KCNQ1: variants seen among roughly 807,000 people sequenced by gnomAD.
The protein encoded by KCNQ1 is potassium voltage-gated channel subfamily KQT member 1.
Under a neutral mutation model 72.4 loss-of-function variants are expected in KCNQ1, and 49 were observed. That is an observed-to-expected ratio of 0.68 (90% CI 0.54 to 0.86). KCNQ1 has a LOEUF of 0.86. KCNQ1 is among the 40% of genes least tolerant of loss of function. KCNQ1 has a pLI of 0.00. For synonymous variants in KCNQ1, 450 were observed against 412.6 expected (o/e 1.09, Z -1.10); for missense variants, 790 against 945.1 (o/e 0.84, Z 2.15).
At chr11:2,476,325 GA>G (rs1485610430) in intron 1 of KCNQ1, among the ~76,000 whole-genome samples, 4 of 152,118 alleles carry the variant, frequency 2.6e-5, no homozygotes, top group Non-Finnish European at 5.9e-5. Context: ...AAAGTCTAAA[GA>G]AGAAAAGTCT....
chr11:2,699,456 GCCGGGAGAGTGCCGCGCTGAGGAGCCC>G (rs1475356913), intron 11 of KCNQ1: 42 of 397,168 alleles, frequency 1.1e-4, no homozygotes, highest in Non-Finnish European at 1.4e-4. Context: ...CTGAGGAGCC[GCCGGGAGAGTGCCGCGCTGAGGAGCCC>G]CCGGGGAGAG....
rs557989601 is a variant in KCNQ1 at position 2,766,410 on chromosome 11, T to C, written c.1515-2434T>C. On this transcript the variant is annotated intron_variant, in intron 11 of 15. Coordinates refer to ENST00000155840, the MANE Select transcript of KCNQ1 (RefSeq NM_000218.3). This position sits in a 1 kb window ranked among gnomAD's most constrained non-coding sequence, Gnocchi z 4.4. Reference sequence around the variant, plus strand: ...TCAGCCAGGGTCTCTCAGCTCTCCTTCACGCGGCTGTTCCAGCAGGCTAGC... The same window carrying C: ...TCAGCCAGGGTCTCTCAGCTCTCCTCCACGCGGCTGTTCCAGCAGGCTAGC... Among the ~76,000 whole-genome samples the C allele has an allele frequency of 4.7e-4, 72 of 152,316 alleles. No homozygotes were observed. Among genetic ancestry groups the C allele is most frequent in the African/African-American group, 1.7e-3 (71 of 41,566 alleles).
intron 10 of KCNQ1, chr11:2,614,688 G>A (rs1849033127): frequency 1.3e-5 from 5 of 398,330 alleles, no homozygotes; most frequent in Non-Finnish European, 2.2e-5. Context: ...GATCATATAT[G>A]TGAGTGTTTA....
At chr11:2,625,644 C>T (rs1274987775) in intron 10 of KCNQ1, 4 of 395,388 alleles carry the variant, frequency 1.0e-5, no homozygotes, top group South Asian at 1.3e-4. Flanking sequence ...GGTGCCATCT[C>T]GGCTTACTGC....
chr11:2,779,005 G>A (rs1846769113), intron 15 of KCNQ1, among the ~76,000 whole-genome samples: 1 of 152,236 alleles, frequency 6.6e-6, no homozygotes, highest in African/African-American at 2.4e-5. Flanking sequence ...GGGGCCCTGA[G>A]ACCAGCAAAT....
rs1162400706 is a variant in KCNQ1, at chr11:2,818,455, G to A, written c.1795-29312G>A. On this transcript the variant is annotated intron_variant, in intron 15 of 15. Transcript: ENST00000155840. This position sits in a 1 kb window ranked among gnomAD's most constrained non-coding sequence, Gnocchi z 7.2. ...AAGTGCCAAGAGGCCTTCCTCAGAG[G>A]AAGAGCAAGGGTAGGTGCCTCTGGC... Among the ~76,000 whole-genome samples the A allele has an allele frequency of 6.6e-6, 1 of 152,204 alleles. No individual in the cohort carries two copies. Among genetic ancestry groups the A allele is most frequent in the Non-Finnish European group, 1.5e-5 (1 of 68,022 alleles).
intron 11 of KCNQ1, among the ~76,000 whole-genome samples, chr11:2,757,511 A>G (rs968187241): frequency 1.3e-5 from 2 of 152,254 alleles, no homozygotes; most frequent in African/African-American, 4.8e-5. Context: ...AATTACCTAT[A>G]AATATAGCAT....
chr11:2,448,301 G>T (rs1332266508), intron 1 of KCNQ1, among the ~76,000 whole-genome samples: 1 of 152,228 alleles, frequency 6.6e-6, no homozygotes, highest in Non-Finnish European at 1.5e-5. Flanking sequence ...GTCTGGCTCA[G>T]CAGCCCCTGT....
At chr11:2,574,041 C>T (rs1479643878) in intron 6 of KCNQ1, among the ~76,000 whole-genome samples, 1 of 152,282 alleles carries the variant, frequency 6.6e-6, no homozygotes, top group Non-Finnish European at 1.5e-5. Flanking sequence ...CAGTGAAAGT[C>T]GGCGTTTATA....
intron 11 of KCNQ1, chr11:2,685,099 C>G: frequency 2.5e-6 from 1 of 398,592 alleles, no homozygotes; most frequent in Non-Finnish European, 4.4e-6. Flanking sequence ...GGGAAGGGGC[C>G]CTTTTGGCAC....
intron 15 of KCNQ1, among the ~76,000 whole-genome samples, chr11:2,836,172 T>C (rs1447962628): frequency 2.0e-5 from 3 of 152,024 alleles, no homozygotes; most frequent in Non-Finnish European, 4.4e-5. Context: ...ACCAAGGCAT[T>C]TCTGAGGGAG....
chr11:2,698,257 G>C lies in KCNQ1; in HGVS notation c.1514+36176G>C. The stretch of plus-strand genomic sequence containing the variant: ...ATTATCAGGAAAGTTTTTATACTTT[G>C]TGATAATCTAAGACAGAACTATTCT... On this transcript the variant is annotated intron_variant, in intron 11 of 15. Transcript: ENST00000155840. The surrounding 1 kb of genome is among the most constrained non-coding windows in gnomAD (Gnocchi z 5.1). The C allele has an allele frequency of 2.5e-6, 1 of 398,658 alleles. No homozygotes were observed. 24.7% of individuals were successfully genotyped at this position (398,658 alleles called of 1,614,324 possible). A position where few individuals can be genotyped will look rare whatever the true frequency, so the allele number is the denominator to read the frequency against.
Position 2,588,872 on chromosome 11 carries a change from A to G in KCNQ1, c.1393+18A>G, listed in dbSNP as rs767731648. On this transcript the variant is annotated intron_variant, in intron 10 of 15. Coordinates refer to ENST00000155840, the MANE Select transcript of KCNQ1 (RefSeq NM_000218.3). This position sits in a 1 kb window ranked among gnomAD's most constrained non-coding sequence, Gnocchi z 5.6. ...CAGTTCTGGTGAGAACCCCTCAGGC[A>G]GTTGGGGGCCGCGGGGCCGGGAAGG... 6.2e-7 allele frequency: 1 copy of G among 1,610,784 alleles called. No homozygotes were observed. The highest frequency in any genetic ancestry group is 8.5e-7 in the Non-Finnish European group (1 of 1,179,690).
chr11:2,504,330 G>T (rs146890825), intron 1 of KCNQ1, among the ~76,000 whole-genome samples: 401 of 152,130 alleles, frequency 2.6e-3, no homozygotes, highest in African/African-American at 9.0e-3. Flanking sequence ...AGGCTGGGAA[G>T]GGTAGTGGGG....
In KCNQ1 at chr11:2,541,331, C is replaced by T. The variant is rs761633808; in HGVS notation, c.477+13313C>T. On this transcript the variant is annotated intron_variant, in intron 2 of 15. Transcript: ENST00000155840. This position sits in a 1 kb window ranked among gnomAD's most constrained non-coding sequence, Gnocchi z 4.8. ...AGAATGATGCGTGCATTCAGAGCAG[C>T]ATTTGGTGGGGAACCTGGGGGAAGG... 3.3e-5 allele frequency among the ~76,000 whole-genome samples: 5 copies of T among 152,190 alleles called. No individual in the cohort carries two copies. The highest frequency in any genetic ancestry group is 6.5e-5 in the Admixed American group (1 of 15,290).
At chr11:2,655,223 G>A (rs187563226) in intron 10 of KCNQ1, 5 of 398,654 alleles carry the variant, frequency 1.3e-5, no homozygotes, top group South Asian at 2.5e-4. Context: ...TAGTCGCCAC[G>A]CCCGAGGCTG....
chr11:2,461,076 G>C (rs1411561619), intron 1 of KCNQ1, among the ~76,000 whole-genome samples: 1 of 152,200 alleles, frequency 6.6e-6, no homozygotes, highest in Non-Finnish European at 1.5e-5. Flanking sequence ...CAATGGCCGT[G>C]GCTGGGGGCA....
At chr11:2,527,884 T>C (rs878973124) in intron 1 of KCNQ1, 44 bp from the exon 2 acceptor site, 3 of 1,559,730 alleles carry the variant, frequency 1.9e-6, no homozygotes, top group South Asian at 1.1e-5. Flanking sequence ...ATCTGTGGGA[T>C]GGGCAGAGGC....
Position 2,451,544 on chromosome 11 carries a change from C to T in KCNQ1, c.386+6060C>T, listed in dbSNP as rs1341544916. On this transcript the variant is annotated intron_variant, in intron 1 of 15. Coordinates refer to ENST00000155840, the MANE Select transcript of KCNQ1 (RefSeq NM_000218.3). The surrounding 1 kb of genome is among the most constrained non-coding windows in gnomAD (Gnocchi z 6.4). ...CACTGGAAGGACCTGGCTGTGGTCC[C>T]AGGCACTGGGTGGATGGACCAGCAG... 6.6e-6 allele frequency among the ~76,000 whole-genome samples: 1 copy of T among 152,232 alleles called. No individual in the cohort carries two copies. The highest frequency in any genetic ancestry group is 1.5e-5 in the Non-Finnish European group (1 of 68,046).
Sources: allele counts gnomAD v4.1 joint callset (sites outside exome capture counted in the v4.1 genomes callset), GRCh38; gene constraint gnomAD v4.1.1; non-coding constraint Gnocchi (gnomAD v3.1); transcripts MANE v1.5; gene names NCBI Gene and HGNC (gene_info 2026-07-23, HGNC 2026-07-21).